Variants in TSFM observed in about 807,000 individuals in gnomAD.
The protein encoded by TSFM is elongation factor Ts, mitochondrial.
In TSFM, 29 loss-of-function variants were observed where a neutral mutation model predicts 33.4. That is an observed-to-expected ratio of 0.87 (90% confidence interval 0.65 to 1.18). TSFM has a LOEUF of 1.18. Among genes scored for constraint, TSFM ranks in the 50% most tolerant of loss-of-function variants. TSFM has a pLI of 0.00. For synonymous variants in TSFM, 178 were observed against 163.5 expected (o/e 1.09, Z -0.68); for missense variants, 394 against 395.6 (o/e 1.00, Z 0.04).
intron 5 of TSFM, among the ~76,000 whole-genome samples, 155 bp downstream of exon 5, chr12:57,793,228 G>T (rs544974400): frequency 6.6e-6 from 1 of 152,004 alleles, no homozygotes; most frequent in African/African-American, 2.4e-5. Flanking sequence ...GGGAACATTA[G>T]GCATCTTTTT....
downstream of TSFM, chr12:57,797,907 A>T: frequency 6.2e-7 from 1 of 1,612,242 alleles, no homozygotes; most frequent in Non-Finnish European, 8.5e-7. Context: ...TTCTTTCTTC[A>T]TTTGGAGCTG....
chr12:57,789,785 A>T (rs756602657), intron 4 of TSFM, among the ~76,000 whole-genome samples: 17 of 152,246 alleles, frequency 1.1e-4, no homozygotes, highest in Non-Finnish European at 1.9e-4. Context: ...TTATACAATA[A>T]GTTATAACTC....
intron 4 of TSFM, among the ~76,000 whole-genome samples, chr12:57,787,974 C>T (rs1300111652): frequency 6.6e-6 from 1 of 152,044 alleles, no homozygotes; most frequent in Non-Finnish European, 1.5e-5. Context: ...TAAGCATATT[C>T]TTATCCATAG....
rs1955686620 is a variant in TSFM, at chr12:57,793,145, C to T, written c.571+72C>T. On this transcript the variant is annotated intron_variant, in intron 5 of 5. Transcript: ENST00000652027. ...CTCTTGTTATCTTGTTCCTCCAAAT[C>T]TAGGTCAAGAATCATGTGCCTACAA... 29 of 1,350,376 alleles carry T rather than the reference C, an allele frequency of 2.1e-5. No homozygotes were observed. In the South Asian group the frequency reaches 3.2e-4, roughly 15 times the overall value. 83.6% of individuals were successfully genotyped at this position (1,350,376 alleles called of 1,614,324 possible). A position where few individuals can be genotyped will look rare whatever the true frequency, so the allele number is the denominator to read the frequency against.
rs1199036464 is a variant in TSFM, at chr12:57,782,803, T to TGTCGCTGCTGCG, written c.11_22dup (p.Leu4_Leu7dup). The TGTCGCTGCTGCG allele has an allele frequency of 6.9e-6, 11 of 1,590,470 alleles. No homozygotes were observed. Among genetic ancestry groups the TGTCGCTGCTGCG allele is most frequent in the Admixed American group, 1.8e-5 (1 of 56,394 alleles). On this transcript the variant is annotated inframe_insertion, in exon 1 of 6. Transcript: ENST00000652027. ...AGGGTGTTTATCGCGGCTAGAGAGA[T>TGTCGCTGCTGCG]GTCGCTGCTGCGGTCGCTGCGCGTG...
At chr12:57,783,821 G>A (rs1955549912) in intron 2 of TSFM, 2 of 623,608 alleles carry the variant, frequency 3.2e-6, no homozygotes, top group Non-Finnish European at 2.8e-6. Flanking sequence ...TCGCCGTGTC[G>A]GCCAGGCTGG....
chr12:57,783,019 C>G lies in TSFM; in HGVS notation c.58-91C>G. 16 of 1,515,784 alleles carry G rather than the reference C, an allele frequency of 1.1e-5. 1 individual carries two copies. The South Asian group carries it at 1.9e-4, about 18-fold the overall frequency. 93.9% of individuals were successfully genotyped at this position (1,515,784 alleles called of 1,614,324 possible). ...CGGTGCACCCCCCTTTGCACACTGT[C>G]CGCTCCCTAAGGTCGCTTCCCTGCC... On this transcript the variant is annotated intron_variant, in intron 1 of 5. Transcript: ENST00000652027.
Position 57,796,574 on chromosome 12 carries a change from A to C in TSFM, c.969A>C (p.Glu323Asp), listed in dbSNP as rs1955743892. The change falls in exon 6 of 6, where the codon GAA becomes GAC. Residue 323 changes from glutamate (E) to aspartate (D), a missense_variant. Glu to Asp is a conservative substitution (Grantham distance 45). This residue lies in a region of TSFM where 186 missense variants were observed against 198.8 expected (regional missense o/e 0.94). Transcript: ENST00000652027. ...FECGEGEEAAETE is the reference protein window; with the variant it reads ...FECGEGEEAADTE ...GTGGAGAAGGTGAAGAGGCAGCAGA[A>C]ACTGAATAGGTTCCAGAGACTTTTG... The C allele has an allele frequency of 2.8e-6, 4 of 1,420,320 alleles. No individual in the cohort carries two copies. Among genetic ancestry groups the C allele is most frequent in the Non-Finnish European group, 3.7e-6 (4 of 1,080,456 alleles). The allele number at this position is 1,420,320 out of a possible 1,614,324, so 88.0% of individuals were successfully genotyped here.
intron 4 of TSFM, 23 bp downstream of exon 4, chr12:57,787,185 G>T (rs1225773200): frequency 1.3e-6 from 2 of 1,551,316 alleles, no homozygotes; most frequent in East Asian, 2.4e-5. Context: ...TTTGTCTCCA[G>T]TGTGCTGAAT....
intron 2 of TSFM, chr12:57,784,079 C>T (rs1220842158): frequency 8.5e-6 from 6 of 702,732 alleles, no homozygotes; most frequent in Admixed American, 6.0e-5. Flanking sequence ...TGTACTACAA[C>T]CTGGGCTATA....
chr12:57,802,715 G>A (rs927103493), downstream of TSFM: 2 of 608,084 alleles, frequency 3.3e-6, no homozygotes, highest in Non-Finnish European at 5.9e-6. Context: ...CTTTTGATAG[G>A]TGGTATCTAT....
Position 57,783,260 on chromosome 12 carries a change from A to G in TSFM, c.208A>G (p.Thr70Ala). ...TGTAAATTGCAAGAAAGCTCTGGAG[A>G]CTTGTGGCGGGGACCTCAAACAGGT... ...SFVNCKKALE[T>A]CGGDLKQAEI... The change falls in exon 2 of 6, where the codon ACT becomes GCT. Residue 70 changes from threonine to alanine, a missense_variant. Physicochemically the swap from Thr to Ala is moderately conservative, Grantham distance 58. Around this residue, in one of 3 missense-constraint regions of TSFM, gnomAD observed 208 missense variants for 180.4 expected, o/e 1.15. Transcript: ENST00000652027. 1.2e-6 allele frequency: 2 copies of G among 1,613,878 alleles called. No homozygotes were observed. The highest frequency in any genetic ancestry group is 1.7e-6 in the Non-Finnish European group (2 of 1,179,884).
At position 57,788,860 on chromosome 12, in the gene TSFM, TG is replaced by T. The variant is rs1317357103; in HGVS notation, c.483+1701del. ...CTTGCCCAGGCTGGTCTCAAACCTC[TG>T]GGCTCAAGAAATCCACCTGCTTTGG... On this transcript the variant is annotated intron_variant, in intron 4 of 5. Coordinates refer to ENST00000652027, the MANE Select transcript of TSFM (RefSeq NM_005726.6). 7.2e-5 allele frequency among the ~76,000 whole-genome samples: 11 copies of T among 152,190 alleles called. 1 individual carries two copies. The highest frequency in any genetic ancestry group is 7.2e-4 in the Admixed American group (11 of 15,270).
At chr12:57,793,960 A>G (rs1955697895) in intron 5 of TSFM, among the ~76,000 whole-genome samples, 1 of 152,254 alleles carries the variant, frequency 6.6e-6, no homozygotes, top group African/African-American at 2.4e-5. Flanking sequence ...CATCTGGATC[A>G]TTGTGGTGGG....
intron 4 of TSFM, among the ~76,000 whole-genome samples, chr12:57,792,619 T>G (rs1459558171): frequency 2.0e-5 from 3 of 151,118 alleles, no homozygotes; most frequent in Admixed American, 6.6e-5. Context: ...TGAGATGGAG[T>G]CTCAATTCTG....
chr12:57,788,771 A>G (rs1955623360), intron 4 of TSFM, among the ~76,000 whole-genome samples: 1 of 151,944 alleles, frequency 6.6e-6, no homozygotes, highest in South Asian at 2.1e-4. Flanking sequence ...AGTAGCTGGG[A>G]CTACATGTGC....
At chr12:57,791,891 T>C in intron 4 of TSFM, 2 of 327,090 alleles carry the variant, frequency 6.1e-6, no homozygotes, top group Non-Finnish European at 1.3e-5. Flanking sequence ...TTGTACCATT[T>C]TGCATTCCCA....
At chr12:57,790,748 C>G (rs550590071) in intron 4 of TSFM, among the ~76,000 whole-genome samples, 1 of 150,652 alleles carries the variant, frequency 6.6e-6, no homozygotes, top group South Asian at 2.1e-4. Context: ...ATTTTCACCC[C>G]AAGTATGTGT....
downstream of TSFM, chr12:57,801,107 A>G: frequency 6.3e-7 from 1 of 1,587,230 alleles, no homozygotes; most frequent in Admixed American, 1.7e-5. Context: ...CTGGTTGCCC[A>G]TGTGGCTGGC....
Sources: allele counts gnomAD v4.1 joint callset (sites outside exome capture counted in the v4.1 genomes callset), GRCh38; gene constraint gnomAD v4.1.1; regional missense constraint gnomAD v4.1.1; transcripts MANE v1.5; gene names NCBI Gene and HGNC (gene_info 2026-07-23, HGNC 2026-07-21).